The following TCN1 variants were observed in gnomAD, a reference collection of about 807,000 sequenced individuals.
TCN1 encodes transcobalamin 1, also known as transcobalamin-1.
TCN1 carries 47 observed loss-of-function variants against 46.3 expected under a neutral mutation model. That is an observed-to-expected ratio of 1.01 (90% CI 0.80 to 1.29). The LOEUF (loss-of-function observed/expected upper bound fraction) is 1.29, where lower values mean the gene tolerates loss of function less well. TCN1 is among the 50% of genes most tolerant of loss of function. The probability of loss-of-function intolerance (pLI) is 0.00; values close to 1 mark genes in which losing one functional copy is unlikely to be tolerated. For synonymous variants in TCN1, 183 were observed against 192.5 expected (o/e 0.95, Z 0.41); for missense variants, 532 against 511.0 (o/e 1.04, Z -0.40).
rs1386813267 is a variant in TCN1 at position 59,859,137 on chromosome 11, C to G, written c.687G>C (p.Leu229=). 1.2e-6 allele frequency: 2 copies of G among 1,613,876 alleles called. No homozygotes were observed. Among genetic ancestry groups the G allele is most frequent in the Non-Finnish European group, 1.7e-6 (2 of 1,180,028 alleles). Residue 229 remains leucine, a synonymous_variant, in exon 5 of 9, where the codon CTG becomes CTC. Transcript: ENST00000257264. ...TGAGACCATTTTCTTTTTTCTCAGA[C>G]AGAATCTTTTCTACCAGTGACTTTG... ...IYTKSLVEKI[L]SEKKENGLIG...
At chr11:59,856,574 A>G (rs1315854999) in intron 5 of TCN1, among the ~76,000 whole-genome samples, 1 of 152,094 alleles carries the variant, frequency 6.6e-6, no homozygotes, top group Admixed American at 6.5e-5. Flanking sequence ...CAAGAGGAAC[A>G]ACATGAACAA....
chr11:59,854,595 A>G, intron 7 of TCN1, 57 bp downstream of exon 7: 1 of 1,566,230 alleles, frequency 6.4e-7, no homozygotes, highest in Non-Finnish European at 8.8e-7. Context: ...ATGCATTCTT[A>G]CTGCATCTTT....
intron 6 of TCN1, 152 bp from the exon 7 acceptor site, chr11:59,854,987 AT>A (rs1309821461): frequency 8.5e-6 from 7 of 824,942 alleles, no homozygotes; most frequent in South Asian, 4.6e-5. Context: ...CAAGGGGCAA[AT>A]TTCTCATATA....
At chr11:59,866,242 T>G in intron 1 of TCN1, 150 bp downstream of exon 1, 1 of 771,486 alleles carries the variant, frequency 1.3e-6, no homozygotes, top group Admixed American at 2.0e-5. Context: ...TTCCTCACCA[T>G]CTCCTGCCAC....
intron 6 of TCN1, among the ~76,000 whole-genome samples, 197 bp from the exon 7 acceptor site, chr11:59,855,032 C>G: frequency 6.6e-6 from 1 of 152,190 alleles, no homozygotes; most frequent in Non-Finnish European, 1.5e-5. Flanking sequence ...AACTCACCAG[C>G]TTGTGAATGT....
chr11:59,860,620 A>C (rs79549875), intron 4 of TCN1, among the ~76,000 whole-genome samples: 2,723 of 152,278 alleles, frequency 0.018, 83 homozygotes, highest in African/African-American at 0.059. Flanking sequence ...TAAGAGGCTG[A>C]ATCAAATAAA....
rs1216600134 is a variant in TCN1 at position 59,852,856 on chromosome 11, A to G, written c.*119T>C. 2.3e-6 allele frequency: 2 copies of G among 885,308 alleles called. No homozygotes were observed. Among genetic ancestry groups the G allele is most frequent in the Non-Finnish European group, 3.9e-6 (2 of 518,308 alleles). The allele number at this position is 885,308 out of a possible 1,614,324, so 54.8% of individuals were successfully genotyped here. A position where few individuals can be genotyped will look rare whatever the true frequency, so the allele number is the denominator to read the frequency against. ...CTTTTATTGAACATGTAGAGAGAGA[A>G]GGGGAGGTTATTAACTCTCCTGCTC... On this transcript the variant is annotated 3_prime_UTR_variant, in exon 9 of 9. Coordinates refer to ENST00000257264, the MANE Select transcript of TCN1 (RefSeq NM_001062.4).
chr11:59,856,573 C>A (rs1045762749), intron 5 of TCN1, among the ~76,000 whole-genome samples: 19 of 151,728 alleles, frequency 1.3e-4, no homozygotes, highest in African/African-American at 4.4e-4. Flanking sequence ...TCAAGAGGAA[C>A]AACATGAACA....
intron 4 of TCN1, among the ~76,000 whole-genome samples, chr11:59,859,573 A>T (rs1394094026): frequency 2.6e-5 from 4 of 152,186 alleles, no homozygotes; most frequent in Non-Finnish European, 5.9e-5. Flanking sequence ...GATGCACCTC[A>T]CTAGTGGCCA....
In TCN1 at chr11:59,862,634, G is replaced by T; in HGVS notation, c.348C>A (p.Tyr116Ter). The T allele has an allele frequency of 6.2e-7, 1 of 1,613,648 alleles. No homozygotes were observed. The highest frequency in any genetic ancestry group is 8.5e-7 in the Non-Finnish European group (1 of 1,179,798). The change falls in exon 3 of 9, where the codon TAC (tyrosine) becomes TAA (stop). Residue 116 changes from tyrosine (Y) to a stop codon, truncating the protein, a stop_gained. Coordinates refer to ENST00000257264, the MANE Select transcript of TCN1 (RefSeq NM_001062.4). LOFTEE classifies it high-confidence loss of function. ...RNAEENLIYD[Y>*]HLIDKLENKF... Reference sequence around the variant, plus strand: ...TATTTTCTAGCTTGTCGATCAGGTGGTAATCATATATTAAGTTTTCCTCAG... The same window carrying T: ...TATTTTCTAGCTTGTCGATCAGGTGTTAATCATATATTAAGTTTTCCTCAG...
chr11:59,859,293 T>C (rs557118516), intron 4 of TCN1, 26 bp from the exon 5 acceptor site: 6 of 1,610,528 alleles, frequency 3.7e-6, no homozygotes, highest in South Asian at 2.2e-5. Flanking sequence ...ACATTGTTGA[T>C]AGGCGACCAA....
At chr11:59,865,506 C>G (rs1015791087) in intron 1 of TCN1, among the ~76,000 whole-genome samples, 2 of 152,080 alleles carry the variant, frequency 1.3e-5, no homozygotes, top group African/African-American at 2.4e-5. Context: ...TGTATGTATA[C>G]AAGCCTGTCT....
At chr11:59,860,387 C>A (rs180897440) in intron 4 of TCN1, among the ~76,000 whole-genome samples, 198 of 151,940 alleles carry the variant, frequency 1.3e-3, no homozygotes, top group Admixed American at 1.6e-3. Context: ...CCTCGGCCTC[C>A]CAAAGTGCTG....
rs527858059 is a variant in TCN1, at chr11:59,855,675, C to G, written c.937+194G>C. Among the ~76,000 whole-genome samples the G allele has an allele frequency of 3.3e-5, 5 of 152,288 alleles. No homozygotes were observed. The East Asian group carries it at 9.6e-4, about 29-fold the overall frequency. On this transcript the variant is annotated intron_variant, in intron 6 of 8. Coordinates refer to ENST00000257264, the MANE Select transcript of TCN1 (RefSeq NM_001062.4). ...TTAATGTTTGAACTAAGAGGGACAT[C>G]TAGCACTCAGTTAAGAACAAATCCT...
In TCN1 at chr11:59,854,836, C is replaced by T. The variant is rs781153859; in HGVS notation, c.938-1G>A. Reference sequence around the variant, plus strand: ...TCATCAGCGGAGATGTTGAAGTTACCTGGCAGAGACAGAAAAGCCCAGAGC... The same window carrying T: ...TCATCAGCGGAGATGTTGAAGTTACTTGGCAGAGACAGAAAAGCCCAGAGC... On this transcript the variant is annotated splice_acceptor_variant, in intron 6 of 8. Coordinates refer to ENST00000257264, the MANE Select transcript of TCN1 (RefSeq NM_001062.4). LOFTEE classifies it high-confidence loss of function. The T allele has an allele frequency of 6.2e-7, 1 of 1,613,716 alleles. No individual in the cohort carries two copies. Among genetic ancestry groups the T allele is most frequent in the Admixed American group, 1.7e-5 (1 of 60,000 alleles).
intron 2 of TCN1, among the ~76,000 whole-genome samples, chr11:59,863,159 T>A (rs1414739469): frequency 6.6e-6 from 1 of 152,236 alleles, no homozygotes; most frequent in Non-Finnish European, 1.5e-5. Context: ...GATGCATTCC[T>A]GTATGAATAT....
rs891468259 is a variant in TCN1, at chr11:59,854,556, T to C, written c.1121+96A>G. 1.4e-5 allele frequency: 19 copies of C among 1,362,236 alleles called. No homozygotes were observed. The Admixed American group carries it at 2.9e-4, about 21-fold the overall frequency. The allele number at this position is 1,362,236 out of a possible 1,614,324, so 84.4% of individuals were successfully genotyped here. A position where few individuals can be genotyped will look rare whatever the true frequency, so the allele number is the denominator to read the frequency against. On this transcript the variant is annotated intron_variant, in intron 7 of 8. Transcript: ENST00000257264. ...CAGCAAAGCTACTGACCCAGAAGCA[T>C]TTTAAATATACTTTGTATTTAGGTG...
In TCN1 at chr11:59,853,042, A is replaced by G; in HGVS notation, c.1241-6T>C. 3 of 1,614,150 alleles carry G rather than the reference A, an allele frequency of 1.9e-6. No individual in the cohort carries two copies. The highest frequency in any genetic ancestry group is 2.5e-6 in the Non-Finnish European group (3 of 1,179,994). On this transcript the variant is annotated splice_polypyrimidine_tract_variant and splice_region_variant and intron_variant, in intron 8 of 8. Transcript: ENST00000257264. Reference sequence around the variant, plus strand: ...GACAACGTAACTACCAGCTCCTGAAAAGGAAGAAGAAAGAGAACTGGGTCA... The same window carrying G: ...GACAACGTAACTACCAGCTCCTGAAGAGGAAGAAGAAAGAGAACTGGGTCA...
At chr11:59,862,484 A>T in intron 3 of TCN1, 98 bp downstream of exon 3, 1 of 1,437,154 alleles carries the variant, frequency 7.0e-7, no homozygotes, top group Non-Finnish European at 9.7e-7. Context: ...GATGAACGGG[A>T]TGAAGAGAAG....
Sources: gnomAD v4.1 joint callset for allele counts (sites outside exome capture counted in the v4.1 genomes callset) on GRCh38, gnomAD v4.1.1 for gene constraint, MANE v1.5 for transcripts, NCBI Gene and HGNC (gene_info 2026-07-23, HGNC 2026-07-21) for gene names.